MGAT4C: variants seen among roughly 807,000 people sequenced by gnomAD.
The protein encoded by MGAT4C is MGAT4 family member C.
MGAT4C carries 19 observed loss-of-function variants against 40.1 expected under a neutral mutation model. That is an observed-to-expected ratio of 0.47 (90% CI 0.33 to 0.70). The LOEUF is 0.70. Among genes scored for constraint, MGAT4C ranks in the 30% least tolerant of loss-of-function variants. The pLI, the probability that MGAT4C is intolerant of heterozygous loss-of-function variation, is 0.02. For missense variants in MGAT4C, 491 were observed against 563.2 expected (o/e 0.87, Z 1.30); for synonymous variants, 181 against 187.1 (o/e 0.97, Z 0.27).
intron 1 of MGAT4C, among the ~76,000 whole-genome samples, chr12:86,090,283 A>AAAGTTT (rs1350475658): frequency 4.6e-5 from 7 of 151,734 alleles, no homozygotes. Flanking sequence ...GTTTATGCAT[A>AAAGTTT]TATTCATTTA....
At chr12:86,253,324 T>C (rs1952381117) in intron 1 of MGAT4C, among the ~76,000 whole-genome samples, 1 of 151,522 alleles carries the variant, frequency 6.6e-6, no homozygotes, top group South Asian at 2.1e-4. Context: ...TAACCGGCTG[T>C]ATTAAGGGAG....
chr12:86,473,715 T>C (rs1957787647), intron 2 of MGAT4C, among the ~76,000 whole-genome samples: 1 of 152,206 alleles, frequency 6.6e-6, no homozygotes, highest in Non-Finnish European at 1.5e-5. Context: ...CATTTATTAT[T>C]AAACTGTATA....
intron 4 of MGAT4C, among the ~76,000 whole-genome samples, chr12:86,321,565 T>C (rs1205279909): frequency 1.3e-5 from 2 of 152,186 alleles, no homozygotes; most frequent in Non-Finnish European, 1.5e-5. Flanking sequence ...TGAATGCTTT[T>C]AAAATGCTGA....
chr12:85,989,395 C>T lies in MGAT4C; in HGVS notation c.147+5G>A. 1.3e-6 allele frequency: 2 copies of T among 1,566,452 alleles called. No individual in the cohort carries two copies. Among genetic ancestry groups the T allele is most frequent in the Non-Finnish European group, 1.7e-6 (2 of 1,159,092 alleles). Reference sequence around the variant, plus strand: ...AAGAAAAGACAATCAACCTCCCAAACTTACCAGAACATAGCTATCTTCAAT... The same window carrying T: ...AAGAAAAGACAATCAACCTCCCAAATTTACCAGAACATAGCTATCTTCAAT... On this transcript the variant is annotated splice_donor_5th_base_variant and intron_variant, in intron 3 of 4. Transcript: ENST00000611864.
chr12:86,488,426 C>CA (rs55960243), intron 2 of MGAT4C, among the ~76,000 whole-genome samples: 1,309 of 107,616 alleles, frequency 0.012, 5 homozygotes, highest in Middle Eastern at 0.031. Context: ...GACCCTGTCT[C>CA]AAAAAAAAAA....
chr12:86,130,270 ATTG>A (rs1170358980), intron 1 of MGAT4C, among the ~76,000 whole-genome samples: 8 of 102,748 alleles, frequency 7.8e-5, no homozygotes, highest in Non-Finnish European at 1.4e-4. Context: ...AACATTAAAG[ATTG>A]TTATCACAAA....
At chr12:86,284,314 T>C (rs1953292688) in intron 4 of MGAT4C, among the ~76,000 whole-genome samples, 1 of 151,884 alleles carries the variant, frequency 6.6e-6, no homozygotes, top group Admixed American at 6.6e-5. Context: ...CACATTTTTT[T>C]CCTCTATCTC....
intron 3 of MGAT4C, among the ~76,000 whole-genome samples, chr12:86,426,203 C>T (rs111391727): frequency 3.3e-5 from 5 of 152,070 alleles, no homozygotes; most frequent in South Asian, 4.1e-4. Context: ...ATTGACTCTT[C>T]GGGTAAAATC....
intron 1 of MGAT4C, among the ~76,000 whole-genome samples, chr12:86,058,781 G>A (rs748115494): frequency 2.0e-5 from 3 of 151,898 alleles, no homozygotes; most frequent in African/African-American, 7.3e-5. Context: ...AACAACACAT[G>A]CTTGAACATC....
intron 2 of MGAT4C, chr12:86,022,577 A>G (rs1438519470): frequency 6.6e-6 from 1 of 152,160 alleles, no homozygotes; most frequent in Non-Finnish European, 1.5e-5. Context: ...ATTGCTAGGC[A>G]TGCTGGTGCA....
chr12:86,392,277 G>C (rs1565727812), intron 3 of MGAT4C, among the ~76,000 whole-genome samples: 1 of 152,104 alleles, frequency 6.6e-6, no homozygotes, highest in Non-Finnish European at 1.5e-5. Context: ...TTCAAGACCA[G>C]CCTGGCCAAC....
intron 2 of MGAT4C, chr12:86,001,690 G>C: frequency 1.1e-6 from 1 of 928,854 alleles, no homozygotes; most frequent in Non-Finnish European, 1.3e-6. Context: ...TTCTCTGTTA[G>C]GAAGGTACTG....
At chr12:86,133,926 T>C (rs2135718575) in intron 1 of MGAT4C, among the ~76,000 whole-genome samples, 1 of 152,120 alleles carries the variant, frequency 6.6e-6, no homozygotes, top group African/African-American at 2.4e-5. Flanking sequence ...GTTGCTAAAT[T>C]TAGGTTTTAT....
At chr12:86,277,126 T>C (rs1414470612) in intron 4 of MGAT4C, among the ~76,000 whole-genome samples, 1 of 152,198 alleles carries the variant, frequency 6.6e-6, no homozygotes, top group African/African-American at 2.4e-5. Flanking sequence ...AAAGCCGTTT[T>C]AACTGGAGCA....
intron 1 of MGAT4C, among the ~76,000 whole-genome samples, chr12:86,819,570 G>A (rs1240200088): frequency 6.6e-6 from 1 of 150,820 alleles, no homozygotes; most frequent in Non-Finnish European, 1.5e-5. Context: ...TTTGGGAAAA[G>A]TTAAGATAAA....
intron 4 of MGAT4C, among the ~76,000 whole-genome samples, chr12:86,286,785 G>A (rs1388403009): frequency 1.3e-5 from 2 of 149,172 alleles, no homozygotes; most frequent in Admixed American, 1.3e-4. Flanking sequence ...TTTCTACTGT[G>A]TGTCCATATG....
At chr12:86,358,684 C>T (rs1448486210) in intron 3 of MGAT4C, among the ~76,000 whole-genome samples, 1 of 152,110 alleles carries the variant, frequency 6.6e-6, no homozygotes, top group Admixed American at 6.5e-5. Flanking sequence ...ATCCTAGTCT[C>T]TGATGAAACA....
intron 2 of MGAT4C, among the ~76,000 whole-genome samples, chr12:86,607,038 A>G (rs549549923): frequency 2.8e-4 from 43 of 152,244 alleles, no homozygotes; most frequent in African/African-American, 1.0e-3. Context: ...CTTGGAAAGT[A>G]TATGATGAAC....
At chr12:86,327,739 G>A (rs1401356262) in intron 4 of MGAT4C, among the ~76,000 whole-genome samples, 4 of 152,106 alleles carry the variant, frequency 2.6e-5, no homozygotes, top group African/African-American at 9.7e-5. Context: ...GCAGAGAACT[G>A]ACAGGAGTTC....
Sources: gnomAD v4.1 joint callset for allele counts (sites outside exome capture counted in the v4.1 genomes callset) on GRCh38, gnomAD v4.1.1 for gene constraint, MANE v1.5 for transcripts, NCBI Gene and HGNC (gene_info 2026-07-23, HGNC 2026-07-21) for gene names.